Variants in ARID1B observed in about 807,000 individuals in gnomAD.
The protein encoded by ARID1B is AT-rich interactive domain-containing protein 1B.
Under a neutral mutation model 212.3 loss-of-function variants are expected in ARID1B, and 30 were observed. The observed-to-expected ratio is 0.14, with a 90% CI of 0.11 to 0.19. The LOEUF is 0.19. Ranked by LOEUF, ARID1B falls within the 10% of genes least tolerant of loss-of-function variation. The pLI, the probability that ARID1B is intolerant of heterozygous loss-of-function variation, is 1.00. For synonymous variants in ARID1B, 1,402 were observed against 1,301.7 expected, an observed-to-expected ratio of 1.08 and a Z score of -1.66; for missense variants, 2,891 against 3,204.0, an observed-to-expected ratio of 0.90 and a Z score of 2.36.
At chr6:156,925,070 A>G (rs970971720) in intron 3 of ARID1B, among the ~76,000 whole-genome samples, 1 of 152,160 alleles carries the variant, frequency 6.6e-6, no homozygotes, top group African/African-American at 2.4e-5. Flanking sequence ...GCTTGTCTTA[A>G]GTTTTGAATA....
At chr6:156,928,823 TATTC>T (rs1791462770) in intron 3 of ARID1B, among the ~76,000 whole-genome samples, 1 of 152,240 alleles carries the variant, frequency 6.6e-6, no homozygotes, top group African/African-American at 2.4e-5. Flanking sequence ...ATTTCTTACT[TATTC>T]ATGTTACTGG....
intron 5 of ARID1B, among the ~76,000 whole-genome samples, chr6:157,093,545 C>G (rs1785420366): frequency 6.6e-6 from 1 of 152,190 alleles, no homozygotes. Context: ...AATGCCTTCA[C>G]TAATCCTAAA....
chr6:157,058,662 A>G (rs889787228), intron 4 of ARID1B, among the ~76,000 whole-genome samples: 4 of 152,250 alleles, frequency 2.6e-5, no homozygotes, highest in African/African-American at 7.2e-5. Flanking sequence ...GAAGCAAGCC[A>G]TGTGATCCGC....
intron 5 of ARID1B, among the ~76,000 whole-genome samples, chr6:157,105,154 G>C (rs866502158): frequency 6.6e-6 from 1 of 152,038 alleles, no homozygotes; most frequent in Non-Finnish European, 1.5e-5. Flanking sequence ...AAGAGATTAA[G>C]TTAGATCCAT....
At chr6:157,173,325 T>C (rs1348785219) in intron 9 of ARID1B, 1 of 152,342 alleles carries the variant, frequency 6.6e-6, no homozygotes, top group Non-Finnish European at 1.5e-5. Flanking sequence ...CTGGAGCTGC[T>C]GTGGGCCTCT....
In ARID1B at chr6:156,779,241, C is replaced by G. The variant is rs763387163; in HGVS notation, c.1561C>G (p.Pro521Ala). The G allele has an allele frequency of 8.1e-7, 1 of 1,230,762 alleles. No homozygotes were observed. The highest frequency in any genetic ancestry group is 1.0e-6 in the Non-Finnish European group (1 of 977,888). The allele number at this position is 1,230,762 out of a possible 1,614,324, so 76.2% of individuals were successfully genotyped here. A position where few individuals can be genotyped will look rare whatever the true frequency, so the allele number is the denominator to read the frequency against. ...PMMRSYGGSY[P>A]EYSSPSAPPP... Reference sequence around the variant, plus strand: ...GATGCGGAGCTACGGCGGCAGCTACCCCGAGTACAGCAGCCCCAGCGCGCC... The same window carrying G: ...GATGCGGAGCTACGGCGGCAGCTACGCCGAGTACAGCAGCCCCAGCGCGCC... Residue 521 changes from proline to alanine, a missense_variant, in exon 1 of 20, where the codon CCC becomes GCC. By Grantham distance (27) the Pro-to-Ala change is conservative. Around this residue, in one of 7 missense-constraint regions of ARID1B, gnomAD observed 1,643 missense variants for 1,544.0 expected, o/e 1.06. Transcript: ENST00000636930.
At chr6:157,003,870 T>A (rs924033275) in intron 4 of ARID1B, among the ~76,000 whole-genome samples, 1 of 151,946 alleles carries the variant, frequency 6.6e-6, no homozygotes, top group Non-Finnish European at 1.5e-5. Context: ...AAAAAAATTT[T>A]TTTTTTTCAC....
At chr6:157,021,156 CCGCTTTCAGGCCGCCAGCTCTCAGGCCT>C (rs369946449) in intron 4 of ARID1B, among the ~76,000 whole-genome samples, 72 of 152,298 alleles carry the variant, frequency 4.7e-4, no homozygotes, top group African/African-American at 1.6e-3. Flanking sequence ...GGACGCAGGA[CCGCTTTCAGGCCGCCAGCTCTCAGGCCT>C]CGCTTTCCGG....
intron 4 of ARID1B, among the ~76,000 whole-genome samples, chr6:157,051,357 G>A (rs557808302): frequency 1.2e-4 from 18 of 152,112 alleles, no homozygotes; most frequent in Non-Finnish European, 1.3e-4. Context: ...TGAGCACAAC[G>A]AAACTAGATC....
Position 156,998,202 on chromosome 6 carries a change from A to ATC in ARID1B, c.2247+62636_2247+62637dup, listed in dbSNP as rs538192477. On this transcript the variant is annotated intron_variant, in intron 4 of 19. Coordinates refer to ENST00000636930, the MANE Select transcript of ARID1B (RefSeq NM_001374828.1). ...GTTTTGCTCCCCTCTCCCAATCTTG[A>ATC]TCTCTCTCTCTTTTTTTTTTTTTTT... Among the ~76,000 whole-genome samples the ATC allele has an allele frequency of 1.4e-3, 209 of 144,186 alleles. 1 individual carries two copies. The highest frequency in any genetic ancestry group is 4.8e-3 in the African/African-American group (189 of 39,078). The allele number at this position is 144,186 out of a possible 152,430, so 94.6% of individuals were successfully genotyped here.
chr6:157,006,952 T>TAC lies in ARID1B; in HGVS notation c.2247+71390_2247+71391dup, dbSNP rs563242440. On this transcript the variant is annotated intron_variant, in intron 4 of 19. Transcript: ENST00000636930. ...GCTGTGTATTCTAGGCACATGTGTG[T>TAC]ACACACACACACACAGACACGCAAA... Among the ~76,000 whole-genome samples the TAC allele has an allele frequency of 4.6e-3, 705 of 151,736 alleles. 6 individuals carry two copies. The highest frequency in any genetic ancestry group is 0.015 in the African/African-American group (642 of 41,466).
intron 8 of ARID1B, among the ~76,000 whole-genome samples, chr6:157,163,624 C>T (rs908772622): frequency 6.6e-6 from 1 of 152,196 alleles, no homozygotes; most frequent in African/African-American, 2.4e-5. Context: ...TCACTTCCTG[C>T]CCTGGAGGCC....
chr6:157,194,740 T>G (rs970160112), intron 15 of ARID1B: 56 of 152,248 alleles, frequency 3.7e-4, no homozygotes, highest in African/African-American at 1.3e-3. Flanking sequence ...TTTTTTCTTA[T>G]GGGAGAAGGG....
At chr6:156,998,385 T>C (rs1778720280) in intron 4 of ARID1B, among the ~76,000 whole-genome samples, 2 of 152,088 alleles carry the variant, frequency 1.3e-5, no homozygotes, top group Non-Finnish European at 1.5e-5. Context: ...CATGCCCGGC[T>C]AATTTTTTCT....
intron 4 of ARID1B, among the ~76,000 whole-genome samples, chr6:157,067,322 A>G (rs1038283023): frequency 6.6e-6 from 1 of 152,212 alleles, no homozygotes; most frequent in Non-Finnish European, 1.5e-5. Context: ...TGGGAAGTAC[A>G]GGCCATCTAC....
Position 157,148,561 on chromosome 6 carries a change from T to C in ARID1B, c.2762-63T>C. On this transcript the variant is annotated intron_variant, in intron 7 of 19. Coordinates refer to ENST00000636930, the MANE Select transcript of ARID1B (RefSeq NM_001374828.1). The surrounding 1 kb of genome is among the most constrained non-coding windows in gnomAD (Gnocchi z 5.6). ...GATCGCATTGTTGGACAAAAAGTAT[T>C]TCCAGTGAATGTTGTCACAAGTTTA... The C allele has an allele frequency of 6.6e-7, 1 of 1,521,122 alleles. No individual in the cohort carries two copies. Among genetic ancestry groups the C allele is most frequent in the South Asian group, 1.2e-5 (1 of 81,178 alleles). The allele number at this position is 1,521,122 out of a possible 1,614,324, so 94.2% of individuals were successfully genotyped here. A position where few individuals can be genotyped will look rare whatever the true frequency, so the allele number is the denominator to read the frequency against.
At chr6:157,117,240 A>C (rs1787382415) in intron 6 of ARID1B, among the ~76,000 whole-genome samples, 1 of 152,222 alleles carries the variant, frequency 6.6e-6, no homozygotes, top group African/African-American at 2.4e-5. Flanking sequence ...CTGAGGTTTC[A>C]AAATTACATA....
chr6:156,874,829 G>A (rs17087845), intron 2 of ARID1B, among the ~76,000 whole-genome samples: 1,851 of 152,174 alleles, frequency 0.012, 37 homozygotes, highest in African/African-American at 0.042. Context: ...TTTCCAGAAC[G>A]TGCGTAGTGC....
chr6:156,788,420 A>G lies in ARID1B; in HGVS notation c.1791+8949A>G, dbSNP rs144605279. Among the ~76,000 whole-genome samples, 437 of 152,318 alleles carry G rather than the reference A, an allele frequency of 2.9e-3. 2 individuals carry two copies. Among genetic ancestry groups the G allele is most frequent in the African/African-American group, 9.9e-3 (413 of 41,574 alleles). ...TGGCCCCAAGCTGCTACCCCATTCAATATCCCATCCCTAATATTAATTAGT... is the reference window on the plus strand; with the variant it reads ...TGGCCCCAAGCTGCTACCCCATTCAGTATCCCATCCCTAATATTAATTAGT... On this transcript the variant is annotated intron_variant, in intron 1 of 19. Transcript: ENST00000636930.
Sources: gnomAD v4.1 joint callset for allele counts (sites outside exome capture counted in the v4.1 genomes callset) on GRCh38, gnomAD v4.1.1 for gene constraint, gnomAD v4.1.1 regional missense constraint, Gnocchi (gnomAD v3.1) non-coding constraint, MANE v1.5 for transcripts, NCBI Gene and HGNC (gene_info 2026-07-23, HGNC 2026-07-21) for gene names.